The following COL5A3 variants were observed in gnomAD, a reference collection of about 807,000 sequenced individuals.
The protein encoded by COL5A3 is collagen alpha-3(V) chain.
In COL5A3, 172 loss-of-function variants were observed where a neutral mutation model predicts 250.0. The observed-to-expected ratio is 0.69, with a 90% CI of 0.61 to 0.78. The LOEUF (loss-of-function observed/expected upper bound fraction) is 0.78, where lower values mean the gene tolerates loss of function less well. Ranked by LOEUF, COL5A3 falls within the 30% of genes least tolerant of loss-of-function variation. The pLI is 0.00. For missense variants in COL5A3, 2,340 were observed against 2,334.4 expected (o/e 1.00, Z -0.05); for synonymous variants, 937 against 900.4 (o/e 1.04, Z -0.73).
intron 15 of COL5A3, 154 bp downstream of exon 15, chr19:9,995,912 G>C: frequency 1.2e-6 from 1 of 823,032 alleles, no homozygotes; most frequent in Non-Finnish European, 1.9e-6. Context: ...CCAAAGTTCT[G>C]GGATTCCAGA....
At chr19:9,978,518 A>C (rs977102717) in intron 41 of COL5A3, 56 bp downstream of exon 41, 2 of 1,183,508 alleles carry the variant, frequency 1.7e-6, no homozygotes, top group Non-Finnish European at 2.5e-6. Flanking sequence ...CAAGCTTCCA[A>C]GACACCTTGA....
Position 10,009,614 on chromosome 19 carries a change from G to C in COL5A3, c.88+684C>G, listed in dbSNP as rs2087497157. On this transcript the variant is annotated intron_variant, in intron 1 of 66. Coordinates refer to ENST00000264828, the MANE Select transcript of COL5A3 (RefSeq NM_015719.4). The surrounding 1 kb of genome is among the most constrained non-coding windows in gnomAD (Gnocchi z 4.4). ...CGCGGCTCTGGGGACCGCGGGGTGG[G>C]GGAGGGGGCAACAGGGAGGGAGGGG... is the stretch of plus-strand genomic sequence containing the variant. Among the ~76,000 whole-genome samples, 1 of 152,166 alleles carries C rather than the reference G, an allele frequency of 6.6e-6. No individual in the cohort carries two copies. The highest frequency in any genetic ancestry group is 2.4e-5 in the African/African-American group (1 of 41,422).
At chr19:9,961,805 A>G (rs963272965) in intron 65 of COL5A3, among the ~76,000 whole-genome samples, 13 of 151,954 alleles carry the variant, frequency 8.6e-5, no homozygotes, top group Non-Finnish European at 1.6e-4. Flanking sequence ...TGATCCGCCC[A>G]CCTTGGCCTC....
intron 8 of COL5A3, among the ~76,000 whole-genome samples, chr19:10,000,703 A>G (rs1157660599): frequency 6.6e-6 from 1 of 152,030 alleles, no homozygotes; most frequent in Admixed American, 6.6e-5. Flanking sequence ...CTCTAGTCAC[A>G]GAGTCAACTA....
chr19:9,977,832 C>A (rs952691979), intron 41 of COL5A3, 131 bp from the exon 42 acceptor site: 12 of 633,152 alleles, frequency 1.9e-5, no homozygotes, highest in Non-Finnish European at 2.9e-5. Context: ...CCTGCAGCAG[C>A]CAGAGGGTGC....
Position 9,968,701 on chromosome 19 carries a change from C to T in COL5A3, c.4180G>A (p.Gly1394Arg). 6.2e-7 allele frequency: 1 copy of T among 1,605,270 alleles called. No individual in the cohort carries two copies. The highest frequency in any genetic ancestry group is 1.1e-5 in the South Asian group (1 of 89,332). The change falls in exon 58 of 67, where the codon GGA (glycine) becomes AGA (arginine). Residue 1394 changes from glycine (G) to arginine (R), a missense_variant. Coordinates refer to ENST00000264828, the MANE Select transcript of COL5A3 (RefSeq NM_015719.4). This position sits in a 1 kb window ranked among gnomAD's most constrained non-coding sequence, Gnocchi z 4.1. ...TTTTCCCCCTTGGGGCCAGTGTCTCCCTTCAGCCCTGGGAGGCCAGAGGGC... is the reference window on the plus strand; with the variant it reads ...TTTTCCCCCTTGGGGCCAGTGTCTCTCTTCAGCCCTGGGAGGCCAGAGGGC... ...LGPSGLPGLK[G>R]DTGPKGEKGH...
At chr19:10,006,357 T>G in intron 1 of COL5A3, 126 bp from the exon 2 acceptor site, 1 of 930,158 alleles carries the variant, frequency 1.1e-6, no homozygotes, top group Non-Finnish European at 1.5e-6. Flanking sequence ...CCCACCATGT[T>G]TGTGGCTCAG....
In COL5A3 at chr19:9,977,263, C is replaced by T. The variant is rs1361304383; in HGVS notation, c.3254G>A (p.Gly1085Glu). Residue 1085 changes from glycine to glutamate, a missense_variant, in exon 44 of 67, where the codon GGA (glycine) becomes GAA (glutamate). Around this residue, in one of 3 missense-constraint regions of COL5A3, gnomAD observed 1,179 missense variants for 1,162.6 expected, o/e 1.01. Transcript: ENST00000264828. ...EGDKGDVGAP[G>E]HKGSKGDKGD... ...TTTATCGCCTTTACTCCCCTTGTGT[C>T]CGGGGGCACCCACATCCCCCTGCAG... 6.2e-7 allele frequency: 1 copy of T among 1,614,084 alleles called. No homozygotes were observed. The highest frequency in any genetic ancestry group is 8.5e-7 in the Non-Finnish European group (1 of 1,179,998).
rs187440502 is a variant in COL5A3 at position 10,004,195 on chromosome 19, G to A, written c.595-50C>T. 35 of 1,405,408 alleles carry A rather than the reference G, an allele frequency of 2.5e-5. No homozygotes were observed. The African/African-American group carries it at 3.8e-4, about 15-fold the overall frequency. 87.1% of individuals were successfully genotyped at this position (1,405,408 alleles called of 1,614,324 possible). On this transcript the variant is annotated intron_variant, in intron 4 of 66. Transcript: ENST00000264828. Reference sequence around the variant, plus strand: ...AAGGAGGGCAGCCATACAGCCATAGGCTTACTCTGACCCCCTAACCCCCAG... The same window carrying A: ...AAGGAGGGCAGCCATACAGCCATAGACTTACTCTGACCCCCTAACCCCCAG...
At position 9,986,767 on chromosome 19, in the gene COL5A3, T is replaced by TAATA; in HGVS notation, c.2146-10_2146-9insTATT. On this transcript the variant is annotated splice_polypyrimidine_tract_variant and intron_variant, in intron 27 of 66. Coordinates refer to ENST00000264828, the MANE Select transcript of COL5A3 (RefSeq NM_015719.4). ...CGGTTGCCTGAAGTGCCCTGGAAAA[T>TAATA]AAAAAAAAAAAGCTCTCAAGCCTCT... 6.7e-7 allele frequency: 1 copy of TAATA among 1,488,220 alleles called. No individual in the cohort carries two copies. Among genetic ancestry groups the TAATA allele is most frequent in the African/African-American group, 1.4e-5 (1 of 72,004 alleles). The allele number at this position is 1,488,220 out of a possible 1,614,324, so 92.2% of individuals were successfully genotyped here.
At chr19:9,998,242 A>G in intron 8 of COL5A3, 93 bp from the exon 9 acceptor site, 1 of 1,174,634 alleles carries the variant, frequency 8.5e-7, no homozygotes, top group Non-Finnish European at 1.2e-6. Flanking sequence ...GCACACACAC[A>G]CACACACACA....
intron 5 of COL5A3, 50 bp from the exon 6 acceptor site, chr19:10,003,764 C>T (rs1262462918): frequency 1.2e-6 from 2 of 1,606,144 alleles, no homozygotes; most frequent in Admixed American, 1.7e-5. Flanking sequence ...AGCAGAGACC[C>T]CATCATTCAG....
rs777585048 is a variant in COL5A3, at chr19:9,980,828, G to T, written c.2537C>A (p.Ala846Asp). 9 of 1,611,850 alleles carry T rather than the reference G, an allele frequency of 5.6e-6. No homozygotes were observed. The East Asian group carries it at 2.0e-4, about 36-fold the overall frequency. ...GSRGERGQPGATGQPGPKGDV... is the reference protein window; with the variant it reads ...GSRGERGQPGDTGQPGPKGDV... Reference sequence around the variant, plus strand: ...TACCTTGGGGCCTGGTTGCCCTGTGGCACCCGGTTGCCCCCTCTCTCCACG... The same window carrying T: ...TACCTTGGGGCCTGGTTGCCCTGTGTCACCCGGTTGCCCCCTCTCTCCACG... The change falls in exon 34 of 67, where the codon GCC (alanine) becomes GAC (aspartate). Residue 846 changes from alanine to aspartate, a missense_variant. Ala to Asp is a moderately radical substitution (Grantham distance 126, BLOSUM62 -2). Coordinates refer to ENST00000264828, the MANE Select transcript of COL5A3 (RefSeq NM_015719.4).
Position 9,962,820 on chromosome 19 carries a change from T to G in COL5A3, c.4850A>C (p.Lys1617Thr). Residue 1617 changes from lysine (K) to threonine (T), a missense_variant and splice_region_variant, in exon 65 of 67, where the codon AAG (lysine) becomes ACG (threonine). This residue lies in a region of COL5A3 where 1,179 missense variants were observed against 1,162.6 expected (regional missense o/e 1.01). Transcript: ENST00000264828. Reference sequence around the variant, plus strand: ...CCCATCTCGGCCTCGGTGACTCACCTTCTTCCCTCGACGGAATGTGCTATA... The same window carrying G: ...CCCATCTCGGCCTCGGTGACTCACCGTCTTCCCTCGACGGAATGTGCTATA... Reference protein sequence around the residue: ...GWYSTFRRGKKFSYVDADGSP... With the variant: ...GWYSTFRRGKTFSYVDADGSP... 6.2e-7 allele frequency: 1 copy of G among 1,609,146 alleles called. No individual in the cohort carries two copies. The highest frequency in any genetic ancestry group is 8.5e-7 in the Non-Finnish European group (1 of 1,177,488).
chr19:9,992,884 C>G lies in COL5A3; in HGVS notation c.1795-4G>C. On this transcript the variant is annotated splice_polypyrimidine_tract_variant and splice_region_variant and intron_variant, in intron 20 of 66. Transcript: ENST00000264828. ...GGCCAAGCAGTCCTCGTGGACCCTG[C>G]AAGGGAGCAGGCGAATTATTTCCAC... 6.2e-7 allele frequency: 1 copy of G among 1,613,896 alleles called. No individual in the cohort carries two copies. Among genetic ancestry groups the G allele is most frequent in the Non-Finnish European group, 8.5e-7 (1 of 1,179,848 alleles).
rs189686848 is a variant in COL5A3 at position 9,959,621 on chromosome 19, G to C, written c.*790C>G. 1.3e-5 allele frequency: 2 copies of C among 152,680 alleles called. No individual in the cohort carries two copies. The highest frequency in any genetic ancestry group is 2.9e-5 in the Non-Finnish European group (2 of 68,056). The allele number at this position is 152,680 out of a possible 1,614,324, so 9.5% of individuals were successfully genotyped here. ...AAATTATGCCCTATGGCCTGGCGGTGGGGGGCCAGGCTTGGGCTGGAATCT... is the reference window on the plus strand; with the variant it reads ...AAATTATGCCCTATGGCCTGGCGGTCGGGGGCCAGGCTTGGGCTGGAATCT... On this transcript the variant is annotated 3_prime_UTR_variant, in exon 67 of 67. Coordinates refer to ENST00000264828, the MANE Select transcript of COL5A3 (RefSeq NM_015719.4).
intron 64 of COL5A3, among the ~76,000 whole-genome samples, chr19:9,963,676 G>GGTA (rs1299921363): frequency 1.8e-4 from 27 of 151,850 alleles, no homozygotes; most frequent in Non-Finnish European, 3.2e-4. Flanking sequence ...TGGGATTACA[G>GGTA]GTATGAGCCA....
Position 9,989,120 on chromosome 19 carries a change from C to T in COL5A3, c.2145+4G>A. On this transcript the variant is annotated splice_donor_region_variant and intron_variant, in intron 27 of 66. Transcript: ENST00000264828. ...TCACTCATACCTGCAAGCGTATCAC[C>T]TACCTTCACTCCCCGAGGTCCAGGA... is the stretch of plus-strand genomic sequence containing the variant. 1 of 1,614,180 alleles carries T rather than the reference C, an allele frequency of 6.2e-7. No homozygotes were observed.
At chr19:10,004,285 G>C (rs1420905308) in intron 4 of COL5A3, 140 bp from the exon 5 acceptor site, 3 of 641,740 alleles carry the variant, frequency 4.7e-6, no homozygotes, top group South Asian at 3.6e-5. Context: ...CTAAGTATAA[G>C]GAAGAGATGA....
Sources: gnomAD v4.1 joint callset for allele counts (sites outside exome capture counted in the v4.1 genomes callset) on GRCh38, gnomAD v4.1.1 for gene constraint, gnomAD v4.1.1 regional missense constraint, Gnocchi (gnomAD v3.1) non-coding constraint, MANE v1.5 for transcripts, NCBI Gene and HGNC (gene_info 2026-07-23, HGNC 2026-07-21) for gene names.